Variants in RAB7A observed in about 807,000 individuals in gnomAD.
The protein encoded by RAB7A is ras-related protein Rab-7a.
RAB7A carries 2 observed loss-of-function variants against 24.5 expected under a neutral mutation model. That is an observed-to-expected ratio of 0.08 (90% CI 0.03 to 0.26). RAB7A has a LOEUF of 0.26. RAB7A is among the 10% of genes least tolerant of loss of function. The pLI, the probability that RAB7A is intolerant of heterozygous loss-of-function variation, is 1.00. For synonymous variants in RAB7A, 100 were observed against 95.9 expected, an observed-to-expected ratio of 1.04 and a Z score of -0.25; for missense variants, 118 against 255.7, an observed-to-expected ratio of 0.46 and a Z score of 3.67.
chr3:128,783,363 A>G (rs113267634), intron 1 of RAB7A, among the ~76,000 whole-genome samples: 1,807 of 152,120 alleles, frequency 0.012, 30 homozygotes, highest in African/African-American at 0.039. Context: ...TTGAGGGAGT[A>G]GTATCCAGGA....
At chr3:128,740,827 G>A (rs2070545027) in intron 1 of RAB7A, among the ~76,000 whole-genome samples, 1 of 143,680 alleles carries the variant, frequency 7.0e-6, no homozygotes, top group Non-Finnish European at 1.5e-5. Flanking sequence ...CTTGAGCCCA[G>A]GAGGTTGAGG....
chr3:128,810,018 G>A (rs1488407785), intron 5 of RAB7A, among the ~76,000 whole-genome samples: 1 of 132,904 alleles, frequency 7.5e-6, no homozygotes, highest in Admixed American at 9.2e-5. Flanking sequence ...GCGTGATCTC[G>A]GCTCACTGCA....
In RAB7A at chr3:128,756,133, C is replaced by T. The variant is rs373940854; in HGVS notation, c.-9+29774C>T. 2.4e-4 allele frequency among the ~76,000 whole-genome samples: 37 copies of T among 152,128 alleles called. No homozygotes were observed. In the South Asian group the frequency reaches 2.7e-3, roughly 11 times the overall value. On this transcript the variant is annotated intron_variant, in intron 1 of 5. Coordinates refer to ENST00000265062, the MANE Select transcript of RAB7A (RefSeq NM_004637.6). ...CGGGTGGATCACAAGGTCAGAAGTT[C>T]GATACCAGCCTGACCAACATGGTGA...
intron 5 of RAB7A, 111 bp downstream of exon 5, chr3:128,807,782 A>G: frequency 2.0e-6 from 3 of 1,468,522 alleles, no homozygotes; most frequent in Admixed American, 1.7e-5. Flanking sequence ...TTTTCTGTAT[A>G]GCCAGAATAC....
intron 1 of RAB7A, among the ~76,000 whole-genome samples, chr3:128,732,188 C>T (rs1450245756): frequency 1.3e-5 from 2 of 151,092 alleles, no homozygotes; most frequent in Admixed American, 1.3e-4. Context: ...TACAGGTGCA[C>T]GTCACCATGC....
intron 1 of RAB7A, among the ~76,000 whole-genome samples, chr3:128,734,584 T>C (rs2070472121): frequency 6.6e-6 from 1 of 152,044 alleles, no homozygotes. Flanking sequence ...CCATTCCTGG[T>C]GGTGGAATTG....
intron 1 of RAB7A, among the ~76,000 whole-genome samples, chr3:128,788,937 C>T (rs973348334): frequency 6.6e-6 from 1 of 152,150 alleles, no homozygotes; most frequent in Non-Finnish European, 1.5e-5. Context: ...TGACTGCAGG[C>T]GAATAAAGGA....
chr3:128,740,153 G>A (rs60216134), intron 1 of RAB7A, among the ~76,000 whole-genome samples: 2,689 of 152,270 alleles, frequency 0.018, 36 homozygotes, highest in Middle Eastern at 0.082. Context: ...GCCGAGATGG[G>A]TGGATCACGA....
intron 1 of RAB7A, among the ~76,000 whole-genome samples, chr3:128,753,212 C>T (rs2070702969): frequency 6.6e-6 from 1 of 152,090 alleles, no homozygotes; most frequent in South Asian, 2.1e-4. Flanking sequence ...TCATATGCAG[C>T]AACATGGATG....
intron 1 of RAB7A, among the ~76,000 whole-genome samples, chr3:128,781,602 C>T (rs991866403): frequency 6.6e-6 from 1 of 152,078 alleles, no homozygotes; most frequent in African/African-American, 2.4e-5. Context: ...TCTTGAGCCC[C>T]GGCGGTCGAG....
Position 128,813,695 on chromosome 3 carries a change from C to T in RAB7A, c.*273C>T, listed in dbSNP as rs926450872. 7 of 497,894 alleles carry T rather than the reference C, an allele frequency of 1.4e-5. No homozygotes were observed. The highest frequency in any genetic ancestry group is 3.9e-5 in the African/African-American group (2 of 51,300). The allele number at this position is 497,894 out of a possible 1,614,324, so 30.8% of individuals were successfully genotyped here. A position where few individuals can be genotyped will look rare whatever the true frequency, so the allele number is the denominator to read the frequency against. On this transcript the variant is annotated 3_prime_UTR_variant, in exon 6 of 6. Transcript: ENST00000265062. The stretch of plus-strand genomic sequence containing the variant: ...CTGCCTGCCCACCCACATGAGCCCG[C>T]GAGTATGGCAGCAGGACAAGCCAGC...
intron 1 of RAB7A, among the ~76,000 whole-genome samples, chr3:128,756,284 C>T (rs1319308336): frequency 6.6e-6 from 1 of 151,886 alleles, no homozygotes; most frequent in East Asian, 1.9e-4. Context: ...ATCGCTTGAA[C>T]CCAGGAGGCG....
chr3:128,781,387 G>T (rs1233739920), intron 1 of RAB7A, among the ~76,000 whole-genome samples: 1 of 152,222 alleles, frequency 6.6e-6, no homozygotes, highest in African/African-American at 2.4e-5. Flanking sequence ...TCACACAGCT[G>T]CCACTTGGGG....
At chr3:128,740,755 T>A (rs538340829) in intron 1 of RAB7A, among the ~76,000 whole-genome samples, 2,059 of 147,948 alleles carry the variant, frequency 0.014, 46 homozygotes, top group African/African-American at 0.048. Flanking sequence ...AAAAAAAAAA[T>A]AGCTGGGTGT....
chr3:128,780,937 G>A (rs1933204178), intron 1 of RAB7A, among the ~76,000 whole-genome samples: 1 of 152,114 alleles, frequency 6.6e-6, no homozygotes, highest in Non-Finnish European at 1.5e-5. Context: ...GTAAAAATTG[G>A]TATTGGCCAA....
At chr3:128,764,946 C>T in intron 1 of RAB7A, 1 of 1,596,200 alleles carries the variant, frequency 6.3e-7, no homozygotes, top group East Asian at 2.2e-5. Context: ...CCAGGTTGAT[C>T]TGGCCGTTGA....
chr3:128,762,494 C>T (rs1235464763), intron 1 of RAB7A, among the ~76,000 whole-genome samples: 1 of 152,178 alleles, frequency 6.6e-6, no homozygotes, highest in African/African-American at 2.4e-5. Flanking sequence ...CTACTTCCCA[C>T]CGTGACCCTC....
chr3:128,788,973 A>G (rs1048194561), intron 1 of RAB7A, among the ~76,000 whole-genome samples: 6 of 152,216 alleles, frequency 3.9e-5, no homozygotes, highest in Non-Finnish European at 5.9e-5. Flanking sequence ...ATTTGTTATG[A>G]GAAACATTGT....
intron 5 of RAB7A, 21 bp downstream of exon 5, chr3:128,807,692 C>T: frequency 6.2e-7 from 1 of 1,613,938 alleles, no homozygotes; most frequent in Non-Finnish European, 8.5e-7. Flanking sequence ...CACAGCTGAC[C>T]AGCCCACTCT....
Sources: allele counts gnomAD v4.1 joint callset (sites outside exome capture counted in the v4.1 genomes callset), GRCh38; gene constraint gnomAD v4.1.1; transcripts MANE v1.5; gene names NCBI Gene and HGNC (gene_info 2026-07-23, HGNC 2026-07-21).